Variants in IFT88 observed in about 807,000 individuals in gnomAD.
IFT88 encodes the protein intraflagellar transport protein 88 homolog.
A neutral mutation model predicts 119.5 loss-of-function variants in IFT88; 74 were observed. The ratio of observed to expected loss-of-function variants is 0.62; its 90% CI spans 0.51 to 0.75. The LOEUF (loss-of-function observed/expected upper bound fraction) is 0.75, where lower values mean the gene tolerates loss of function less well. IFT88 is among the 30% of genes least tolerant of loss of function. The pLI, the probability that IFT88 is intolerant of heterozygous loss-of-function variation, is 0.00. For synonymous variants in IFT88, 279 were observed against 316.7 expected (o/e 0.88, Z 1.26); for missense variants, 961 against 977.7 (o/e 0.98, Z 0.23).
chr13:20,589,878 G>T lies in IFT88; in HGVS notation c.210+11G>T. ...GCTACTGGATATGGGGTAGGTTTTT[G>T]TAAGCTGAAAATATTAAGATGCTTT... On this transcript the variant is annotated intron_variant, in intron 4 of 25. Transcript: ENST00000351808. The T allele has an allele frequency of 6.4e-7, 1 of 1,556,774 alleles. No homozygotes were observed. Among genetic ancestry groups the T allele is most frequent in the Non-Finnish European group, 8.8e-7 (1 of 1,131,720 alleles).
chr13:20,603,916 C>T (rs886965643), intron 12 of IFT88, among the ~76,000 whole-genome samples: 4 of 151,348 alleles, frequency 2.6e-5, no homozygotes, highest in African/African-American at 9.7e-5. Context: ...AAAAAATTAG[C>T]CAGCCTGGTG....
rs2041938446 is a variant in IFT88, at chr13:20,597,681, T to C, written c.594+562T>C. Among the ~76,000 whole-genome samples, 3 of 150,940 alleles carry C rather than the reference T, an allele frequency of 2.0e-5. No individual in the cohort carries two copies. In the South Asian group the frequency reaches 6.3e-4, roughly 32 times the overall value. ...ATGGCGTGAACCCGGGAGGCGGAGC[T>C]TGCGGCGAGCCAAGATCTTGCCACC... On this transcript the variant is annotated intron_variant, in intron 9 of 25. Transcript: ENST00000351808.
chr13:20,592,528 G>A, intron 7 of IFT88, 124 bp downstream of exon 7: 1 of 643,494 alleles, frequency 1.6e-6, no homozygotes, highest in East Asian at 2.9e-5. Context: ...GGAGTGCAGT[G>A]ATGCGATCTT....
intron 20 of IFT88, among the ~76,000 whole-genome samples, chr13:20,646,535 C>G (rs2050784194): frequency 6.6e-6 from 1 of 152,070 alleles, no homozygotes; most frequent in Admixed American, 6.6e-5. Flanking sequence ...TGAGGCTGGT[C>G]TTGAACTCCT....
chr13:20,593,776 G>A (rs1465155979), intron 7 of IFT88, among the ~76,000 whole-genome samples: 1 of 152,092 alleles, frequency 6.6e-6, no homozygotes, highest in Admixed American at 6.5e-5. Context: ...CAGGCCGGGC[G>A]TGGTGGCTCA....
At chr13:20,618,195 T>C (rs1490994906) in intron 14 of IFT88, among the ~76,000 whole-genome samples, 1 of 152,208 alleles carries the variant, frequency 6.6e-6, no homozygotes, top group East Asian at 1.9e-4. Flanking sequence ...GCTGGGATTA[T>C]GGTCGTGAGC....
chr13:20,638,089 TATAA>T (rs1425783931), intron 16 of IFT88, among the ~76,000 whole-genome samples: 3 of 152,214 alleles, frequency 2.0e-5, no homozygotes, highest in African/African-American at 4.8e-5. Flanking sequence ...ACCACCTACA[TATAA>T]ATAGTGTTGT....
intron 24 of IFT88, 119 bp downstream of exon 24, chr13:20,671,158 C>A: frequency 1.7e-6 from 1 of 580,806 alleles, no homozygotes; most frequent in Non-Finnish European, 2.9e-6. Context: ...GTTCTATACA[C>A]AGTGAAACTT....
intron 1 of IFT88, among the ~76,000 whole-genome samples, chr13:20,573,195 A>G (rs1239828837): frequency 1.3e-5 from 2 of 152,160 alleles, no homozygotes; most frequent in African/African-American, 2.4e-5. Flanking sequence ...ATAAGTAGCT[A>G]TAAATTAATC....
intron 20 of IFT88, among the ~76,000 whole-genome samples, chr13:20,646,296 CTT>C (rs57699433): frequency 2.8e-4 from 38 of 137,218 alleles, no homozygotes; most frequent in Admixed American, 5.2e-4. Context: ...CCAATAAAAT[CTT>C]TTTTTTTTTT....
At position 20,601,800 on chromosome 13, in the gene IFT88, C is replaced by T. The variant is rs773552521; in HGVS notation, c.908C>T (p.Pro303Leu). The T allele has an allele frequency of 3.1e-6, 5 of 1,613,382 alleles. No individual in the cohort carries two copies. The South Asian group carries it at 4.4e-5, about 14-fold the overall frequency. Residue 303 changes from proline (P) to leucine (L), a missense_variant, in exon 12 of 26, where the codon CCA becomes CTA. Coordinates refer to ENST00000351808, the MANE Select transcript of IFT88 (RefSeq NM_006531.5). Reference sequence around the variant, plus strand: ...TATGAGCACATAATGAGCATGGCACCAAATCTGAAGGCAGGCTACAACCTA... The same window carrying T: ...TATGAGCACATAATGAGCATGGCACTAAATCTGAAGGCAGGCTACAACCTA... ...NSYEHIMSMA[P>L]NLKAGYNLTI...
At chr13:20,647,267 A>C (rs2050899186) in intron 20 of IFT88, among the ~76,000 whole-genome samples, 2 of 152,272 alleles carry the variant, frequency 1.3e-5, no homozygotes, top group African/African-American at 4.8e-5. Context: ...TTTGTTTTCT[A>C]TACCATATAT....
intron 13 of IFT88, chr13:20,614,280 G>C (rs1594220855): frequency 6.6e-6 from 1 of 152,174 alleles, no homozygotes; most frequent in East Asian, 1.9e-4. Context: ...CAGTAATGTT[G>C]AGAAAGCTGT....
chr13:20,639,390 T>C (rs1313353988), intron 17 of IFT88, among the ~76,000 whole-genome samples: 1 of 152,184 alleles, frequency 6.6e-6, no homozygotes, highest in East Asian at 1.9e-4. Flanking sequence ...GTCTGTTTAG[T>C]TGGAGACCTG....
chr13:20,622,761 C>T (rs2046740338), intron 14 of IFT88, among the ~76,000 whole-genome samples: 1 of 151,852 alleles, frequency 6.6e-6, no homozygotes, highest in African/African-American at 2.4e-5. Flanking sequence ...CAAATATTTT[C>T]TCCCATTCTG....
intron 22 of IFT88, among the ~76,000 whole-genome samples, chr13:20,658,179 C>T (rs1196863618): frequency 6.6e-6 from 1 of 152,054 alleles, no homozygotes; most frequent in Non-Finnish European, 1.5e-5. Flanking sequence ...TCACTGCAAC[C>T]TCTGCCTCCT....
intron 14 of IFT88, among the ~76,000 whole-genome samples, chr13:20,618,575 A>G (rs1038499118): frequency 2.0e-5 from 3 of 152,192 alleles, no homozygotes; most frequent in Admixed American, 1.3e-4. Flanking sequence ...AATCCCACAT[A>G]CAGCTCTATA....
chr13:20,575,783 T>C (rs1363885392), intron 2 of IFT88, among the ~76,000 whole-genome samples: 1 of 152,232 alleles, frequency 6.6e-6, no homozygotes, highest in Non-Finnish European at 1.5e-5. Context: ...CTGCAGTTTT[T>C]GCCATTTTAA....
chr13:20,607,619 C>T (rs1000989359), intron 13 of IFT88: 19 of 797,452 alleles, frequency 2.4e-5, no homozygotes, highest in South Asian at 6.8e-5. Flanking sequence ...TGGGCTGCCA[C>T]GCTGTTTTTT....
Sources: allele counts gnomAD v4.1 joint callset (sites outside exome capture counted in the v4.1 genomes callset), GRCh38; gene constraint gnomAD v4.1.1; transcripts MANE v1.5; gene names NCBI Gene and HGNC (gene_info 2026-07-23, HGNC 2026-07-21).